Variants in LOC400499 observed in about 807,000 individuals in gnomAD.
chr16:11,524,385 A>G, the LOC400499 span, among the ~76,000 whole-genome samples: 2 of 96,462 alleles, frequency 2.1e-5, no homozygotes, highest in African/African-American at 1.1e-4. Context: ...CCTGTCTCCT[A>G]TCCATCCAAG....
At chr16:11,499,204 C>G in the LOC400499 span, among the ~76,000 whole-genome samples, 2 of 174 alleles carry the variant, frequency 0.011, 1 homozygote, top group Non-Finnish European at 0.029. Flanking sequence ...GGAAGGGAGG[C>G]AGAGGGGAGG....
the LOC400499 span, chr16:11,494,518 C>G: frequency 8.5e-6 from 2 of 235,860 alleles, no homozygotes; most frequent in African/African-American, 2.3e-5. Flanking sequence ...TTGCCTGATT[C>G]GCTTCGGCCC....
the LOC400499 span, among the ~76,000 whole-genome samples, chr16:11,527,056 T>C: frequency 6.6e-6 from 1 of 152,258 alleles, no homozygotes; most frequent in East Asian, 1.9e-4. Context: ...GCATCTGGAC[T>C]GCCCCTTGCT....
At chr16:11,502,828 A>C in the LOC400499 span, among the ~76,000 whole-genome samples, 2 of 146,964 alleles carry the variant, frequency 1.4e-5, no homozygotes, top group African/African-American at 5.0e-5. Context: ...GTTAGCCAGG[A>C]TGGTCTCGAT....
the LOC400499 span, chr16:11,523,424 G>A: frequency 5.0e-6 from 2 of 398,648 alleles, no homozygotes; most frequent in Non-Finnish European, 8.8e-6. Context: ...ACTCACCTGT[G>A]CACGCAGTCA....
the LOC400499 span, among the ~76,000 whole-genome samples, chr16:11,447,717 A>C: frequency 6.6e-6 from 1 of 151,960 alleles, no homozygotes; most frequent in Non-Finnish European, 1.5e-5. Context: ...GAGACTCTTA[A>C]CTCTGCTCCC....
At chr16:11,493,303 C>T in the LOC400499 span, among the ~76,000 whole-genome samples, 4 of 152,202 alleles carry the variant, frequency 2.6e-5, no homozygotes, top group Admixed American at 2.0e-4. Context: ...CCATAGATAA[C>T]ACCTAAGTGA....
At chr16:11,377,852 T>C in the LOC400499 span, among the ~76,000 whole-genome samples, 1 of 152,218 alleles carries the variant, frequency 6.6e-6, no homozygotes, top group South Asian at 2.1e-4. Context: ...TTTGGAAGAA[T>C]ATGAGCAGGA....
chr16:11,422,380 A>G, the LOC400499 span, among the ~76,000 whole-genome samples: 2 of 152,174 alleles, frequency 1.3e-5, no homozygotes, highest in African/African-American at 4.8e-5. Flanking sequence ...AGCCTGGGCA[A>G]CTGAGCAAGA....
chr16:11,376,123 G>C, the LOC400499 span, among the ~76,000 whole-genome samples: 2 of 152,302 alleles, frequency 1.3e-5, no homozygotes, highest in Non-Finnish European at 2.9e-5. Flanking sequence ...CTCCTTATCA[G>C]ATATAATTTG....
At chr16:11,452,874 T>C in the LOC400499 span, among the ~76,000 whole-genome samples, 2 of 152,340 alleles carry the variant, frequency 1.3e-5, no homozygotes, top group African/African-American at 4.8e-5. Flanking sequence ...ATTTCTAATC[T>C]TTTAGGAAGC....
At chr16:11,439,384 G>C in the LOC400499 span, 1 of 397,362 alleles carries the variant, frequency 2.5e-6, no homozygotes, top group Non-Finnish European at 4.4e-6. Flanking sequence ...CCTCCCTCGG[G>C]CCCCCATCCT....
At chr16:11,450,856 G>C in the LOC400499 span, 4 of 1,504,294 alleles carry the variant, frequency 2.7e-6, no homozygotes, top group South Asian at 4.8e-5. Context: ...TGGTACACGG[G>C]GTAGAGAGGA....
the LOC400499 span, chr16:11,450,589 G>A: frequency 1.1e-4 from 165 of 1,534,150 alleles, no homozygotes; most frequent in Middle Eastern, 1.8e-4. Context: ...GACATATATC[G>A]GGGGCCGAGC....
chr16:11,478,123 G>T, the LOC400499 span: 2 of 391,506 alleles, frequency 5.1e-6, no homozygotes, highest in Non-Finnish European at 9.0e-6. Flanking sequence ...GACCAGCCTG[G>T]CCAACATTGG....
chr16:11,392,954 C>T, the LOC400499 span, among the ~76,000 whole-genome samples: 8 of 152,124 alleles, frequency 5.3e-5, no homozygotes, highest in African/African-American at 1.7e-4. Context: ...CCCGGGTTCA[C>T]GCCATTCTCC....
the LOC400499 span, among the ~76,000 whole-genome samples, chr16:11,445,787 C>T: frequency 3.1e-4 from 47 of 151,164 alleles, no homozygotes; most frequent in Admixed American, 5.9e-4. Flanking sequence ...GTCACATAGA[C>T]TGTACTAGGG....
At chr16:11,489,061 T>C in the LOC400499 span, among the ~76,000 whole-genome samples, 4 of 152,160 alleles carry the variant, frequency 2.6e-5, no homozygotes, top group African/African-American at 9.7e-5. Context: ...TGAACAGAAC[T>C]TGGAAATCCA....
At chr16:11,495,591 G>C in the LOC400499 span, among the ~76,000 whole-genome samples, 1 of 152,102 alleles carries the variant, frequency 6.6e-6, no homozygotes. Context: ...TGTTGGCCAG[G>C]CTGGTGGTGA....
Sources: gnomAD v4.1 joint callset for allele counts (sites outside exome capture counted in the v4.1 genomes callset) on GRCh38, gnomAD v4.1.1 for gene constraint, MANE v1.5 for transcripts.